Variants in PRRC2A observed in about 807,000 individuals in gnomAD.
PRRC2A encodes the protein proline rich coiled-coil 2A, also known as protein PRRC2A.
PRRC2A carries 59 observed loss-of-function variants against 224.6 expected under a neutral mutation model. That is an observed-to-expected ratio of 0.26 (90% CI 0.21 to 0.33). The LOEUF (loss-of-function observed/expected upper bound fraction) is 0.33, where lower values mean the gene tolerates loss of function less well. Among genes scored for constraint, PRRC2A ranks in the 10% least tolerant of loss-of-function variants. The pLI, the probability that PRRC2A is intolerant of heterozygous loss-of-function variation, is 1.00. For missense variants in PRRC2A, 3,095 were observed against 2,880.7 expected (o/e 1.07, Z -1.70); for synonymous variants, 1,194 against 1,109.5 (o/e 1.08, Z -1.51).
chr6:31,625,678 G>C lies in PRRC2A; in HGVS notation c.759+67G>C, dbSNP rs1775826688. The C allele has an allele frequency of 6.3e-7, 1 of 1,598,908 alleles. No homozygotes were observed. The highest frequency in any genetic ancestry group is 1.1e-5 in the South Asian group (1 of 90,676). ...CTGGAGAGCTAGGAATCAGGACTTA[G>C]TCTTTGACCTATGAGATAGAAGGGA... is the stretch of plus-strand genomic sequence containing the variant. On this transcript the variant is annotated intron_variant, in intron 7 of 30. Coordinates refer to ENST00000376033, the MANE Select transcript of PRRC2A (RefSeq NM_004638.4). This position sits in a 1 kb window ranked among gnomAD's most constrained non-coding sequence, Gnocchi z 4.1.
At position 31,631,749 on chromosome 6, in the gene PRRC2A, C is replaced by T. The variant is rs569496709; in HGVS notation, c.3076C>T (p.Arg1026Trp). The change falls in exon 16 of 31, where the codon CGG (arginine) becomes TGG (tryptophan). Residue 1026 changes from arginine to tryptophan, a missense_variant. By Grantham distance (101) the Arg-to-Trp change is moderately radical. Transcript: ENST00000376033. The surrounding 1 kb of genome is among the most constrained non-coding windows in gnomAD (Gnocchi z 4.5). Reference sequence around the variant, plus strand: ...AGTGGGTCCTACCTCTTGCCGGGGTCGGGGCCGAGGCGAGTATTTTGCCAG... The same window carrying T: ...AGTGGGTCCTACCTCTTGCCGGGGTTGGGGCCGAGGCGAGTATTTTGCCAG... ...ERVGPTSCRG[R>W]GRGEYFARGR... 1.1e-5 allele frequency: 17 copies of T among 1,534,736 alleles called. No individual in the cohort carries two copies. Among genetic ancestry groups the T allele is most frequent in the African/African-American group, 9.7e-5 (7 of 72,178 alleles).
chr6:31,621,860 CTGGTGA>C (rs1410400057), intron 1 of PRRC2A, among the ~76,000 whole-genome samples: 1 of 152,188 alleles, frequency 6.6e-6, no homozygotes, highest in African/African-American at 2.4e-5. Context: ...TAAAGAAACA[CTGGTGA>C]TGGACATTTT....
rs201074309 is a variant in PRRC2A, at chr6:31,632,862, C to T, written c.4189C>T (p.Arg1397Trp). The T allele has an allele frequency of 7.9e-4, 1,276 of 1,612,926 alleles. 1 individual carries two copies. Among genetic ancestry groups the T allele is most frequent in the Non-Finnish European group, 1.0e-3 (1,234 of 1,179,982 alleles). The stretch of plus-strand genomic sequence containing the variant: ...GCGGCCAGGCATGGAACGGCAGAAT[C>T]GGCGCCCTGGCCCAGGGGGCAAGGC... ...SQRPGMERQN[R>W]RPGPGGKAGS... is the part of the protein sequence containing the mutation. Residue 1397 changes from arginine to tryptophan, a missense_variant, in exon 16 of 31, where the codon CGG becomes TGG. By Grantham distance (101) the Arg-to-Trp change is moderately radical (BLOSUM62 -3). Coordinates refer to ENST00000376033, the MANE Select transcript of PRRC2A (RefSeq NM_004638.4).
Position 31,625,148 on chromosome 6 carries a change from G to T in PRRC2A, c.464-23G>T, listed in dbSNP as rs1239278490. 1.2e-6 allele frequency: 2 copies of T among 1,605,382 alleles called. No homozygotes were observed. Among genetic ancestry groups the T allele is most frequent in the Non-Finnish European group, 1.7e-6 (2 of 1,174,230 alleles). On this transcript the variant is annotated intron_variant, in intron 5 of 30. Transcript: ENST00000376033. This position sits in a 1 kb window ranked among gnomAD's most constrained non-coding sequence, Gnocchi z 4.1. ...CCTCAGGAAATGTCTTCTGTCTCCTGTTCTGCATCCCCATCCTAATAGGTG... is the reference window on the plus strand; with the variant it reads ...CCTCAGGAAATGTCTTCTGTCTCCTTTTCTGCATCCCCATCCTAATAGGTG...
chr6:31,631,171 C>T lies in PRRC2A; in HGVS notation c.2498C>T (p.Pro833Leu). Residue 833 changes from proline (P) to leucine (L), a missense_variant, in exon 16 of 31, where the codon CCC (proline) becomes CTC (leucine). Physicochemically the swap from Pro to Leu is moderately conservative, Grantham distance 98 (BLOSUM62 -3). Transcript: ENST00000376033. This position sits in a 1 kb window ranked among gnomAD's most constrained non-coding sequence, Gnocchi z 4.5. ...ACTCCTCCAGTACCTCCCCCACCACCCTATCTGGCCAGTTATCCAGGCTTT... is the reference window on the plus strand; with the variant it reads ...ACTCCTCCAGTACCTCCCCCACCACTCTATCTGGCCAGTTATCCAGGCTTT... ...SETPPVPPPP[P>L]YLASYPGFPE... 6.4e-7 allele frequency: 1 copy of T among 1,558,426 alleles called. No individual in the cohort carries two copies. Among genetic ancestry groups the T allele is most frequent in the South Asian group, 1.2e-5 (1 of 83,608 alleles).
At position 31,631,257 on chromosome 6, in the gene PRRC2A, C is replaced by T. The variant is rs557239322; in HGVS notation, c.2584C>T (p.Arg862Cys). 6 of 1,612,294 alleles carry T rather than the reference C, an allele frequency of 3.7e-6. No individual in the cohort carries two copies. The highest frequency in any genetic ancestry group is 3.3e-5 in the South Asian group (3 of 91,000). The change falls in exon 16 of 31, where the codon CGT becomes TGT. Residue 862 changes from arginine (R) to cysteine (C), a missense_variant. Around this residue, in one of 8 missense-constraint regions of PRRC2A, gnomAD observed 2,001 missense variants for 1,764.9 expected, o/e 1.13. Coordinates refer to ENST00000376033, the MANE Select transcript of PRRC2A (RefSeq NM_004638.4). The surrounding 1 kb of genome is among the most constrained non-coding windows in gnomAD (Gnocchi z 4.5). Reference protein sequence around the residue: ...SRFPLEEPGPRPLPWPPGSDE... With the variant: ...SRFPLEEPGPCPLPWPPGSDE... ...CTTTCCTCTGGAGGAACCAGGGCCC[C>T]GTCCACTCCCCTGGCCCCCAGGCAG...
rs1436666674 is a variant in PRRC2A at position 31,629,220 on chromosome 6, A to G, written c.1842A>G (p.Pro614=). ...CTCCTCCTACCACACCCCCAGTTCC[A>G]AAGGTGGAACCCAAGGGTGATGGGA... ...EVPPPTTPPV[P]KVEPKGDGIG... is the part of the protein sequence containing the mutation. Residue 614 remains proline (P), a synonymous_variant, in exon 13 of 31, where the codon CCA becomes CCG. Coordinates refer to ENST00000376033, the MANE Select transcript of PRRC2A (RefSeq NM_004638.4). 6.2e-7 allele frequency: 1 copy of G among 1,614,038 alleles called. No homozygotes were observed. Among genetic ancestry groups the G allele is most frequent in the African/African-American group, 1.3e-5 (1 of 74,904 alleles).
intron 12 of PRRC2A, chr6:31,628,906 A>C (rs1776219458): frequency 3.8e-6 from 2 of 529,286 alleles, no homozygotes; most frequent in South Asian, 5.2e-5. Context: ...ATAGGCCAAG[A>C]CTGAAGAAAG....
rs753708507 is a variant in PRRC2A, at chr6:31,633,877, C to T, written c.4607C>T (p.Pro1536Leu). Residue 1536 changes from proline to leucine, a missense_variant, in exon 18 of 31, where the codon CCG becomes CTG. This residue lies in a region of PRRC2A where 2,001 missense variants were observed against 1,764.9 expected (regional missense o/e 1.13). Transcript: ENST00000376033. ...TTCCCAGACCCCCACTTTGAGGAGC[C>T]GGGGCCAATGGTGAGAGGGGTGGGT... ...GLSSDPHFEE[P>L]GPMVRGVGGT... 1.9e-5 allele frequency: 19 copies of T among 1,001,200 alleles called. No homozygotes were observed. Among genetic ancestry groups the T allele is most frequent in the Non-Finnish European group, 2.4e-5 (17 of 707,740 alleles). 62.0% of individuals were successfully genotyped at this position (1,001,200 alleles called of 1,614,324 possible).
chr6:31,627,101 C>G lies in PRRC2A; in HGVS notation c.1193C>G (p.Pro398Arg). 6.2e-7 allele frequency: 1 copy of G among 1,614,118 alleles called. No homozygotes were observed. The highest frequency in any genetic ancestry group is 8.5e-7 in the Non-Finnish European group (1 of 1,180,012). The change falls in exon 11 of 31, where the codon CCT (proline) becomes CGT (arginine). Residue 398 changes from proline to arginine, a missense_variant. Physicochemically the swap from Pro to Arg is moderately radical, Grantham distance 103. Coordinates refer to ENST00000376033, the MANE Select transcript of PRRC2A (RefSeq NM_004638.4). The surrounding 1 kb of genome is among the most constrained non-coding windows in gnomAD (Gnocchi z 5.6). ...PKTAWAETSR[P>R]PETEPGPPAP... ...ACGGCCTGGGCAGAAACCTCTCGGC[C>G]TCCAGAGACAGAGCCGGGACCTCCT...
In PRRC2A at chr6:31,635,406, C is replaced by G. The variant is rs199525458; in HGVS notation, c.5314C>G (p.Arg1772Gly). 1.3e-5 allele frequency: 21 copies of G among 1,614,098 alleles called. No individual in the cohort carries two copies. Among genetic ancestry groups the G allele is most frequent in the East Asian group, 4.5e-5 (2 of 44,902 alleles). ...FGTSDKDSDL[R>G]LVVGDSLKAE... ...CTTGTGATCACAGGACTCAGACTTA[C>G]GCCTAGTGGTAGGAGACAGCTTGAA... is the stretch of plus-strand genomic sequence containing the variant. The change falls in exon 23 of 31, where the codon CGC becomes GGC. Residue 1772 changes from arginine (R) to glycine (G), a missense_variant. Physicochemically the swap from Arg to Gly is moderately radical, Grantham distance 125. Around this residue, in one of 8 missense-constraint regions of PRRC2A, gnomAD observed 662 missense variants for 609.5 expected, o/e 1.09. Transcript: ENST00000376033.
At chr6:31,628,519 A>G in intron 12 of PRRC2A, 1 of 512,834 alleles carries the variant, frequency 1.9e-6, no homozygotes, top group East Asian at 3.4e-5. Flanking sequence ...GCTTGAGCCT[A>G]GGGAGTTTGA....
chr6:31,636,127 A>G lies in PRRC2A; in HGVS notation c.5624+78A>G. 6 of 1,562,810 alleles carry G rather than the reference A, an allele frequency of 3.8e-6. No homozygotes were observed. Among genetic ancestry groups the G allele is most frequent in the Non-Finnish European group, 5.3e-6 (6 of 1,133,916 alleles). Reference sequence around the variant, plus strand: ...AGAGGGAAGGGGAAGACACAGTTCTAGGGTACTAGAAGCTAGTGGACTTAA... The same window carrying G: ...AGAGGGAAGGGGAAGACACAGTTCTGGGGTACTAGAAGCTAGTGGACTTAA... On this transcript the variant is annotated intron_variant, in intron 25 of 30. Coordinates refer to ENST00000376033, the MANE Select transcript of PRRC2A (RefSeq NM_004638.4). This position sits in a 1 kb window ranked among gnomAD's most constrained non-coding sequence, Gnocchi z 4.3.
Position 31,635,701 on chromosome 6 carries a change from C to T in PRRC2A, c.5493C>T (p.Arg1831=). Residue 1831 remains arginine, a synonymous_variant, in exon 24 of 31, where the codon CGC becomes CGT. Coordinates refer to ENST00000376033, the MANE Select transcript of PRRC2A (RefSeq NM_004638.4). ...CVPEPSSSGQ[R]LYPEVFYGSA... ...CGGAGCCCAGCTCCTCAGGCCAGCG[C>T]CTGTATCCTGAGGTTTTCTATGGCA... The T allele has an allele frequency of 1.2e-6, 2 of 1,610,992 alleles. No individual in the cohort carries two copies. Among genetic ancestry groups the T allele is most frequent in the Non-Finnish European group, 1.7e-6 (2 of 1,179,012 alleles).
rs754443109 is a variant in PRRC2A, at chr6:31,625,490, G to A, written c.638G>A (p.Arg213His). The A allele has an allele frequency of 3.4e-5, 54 of 1,588,598 alleles. 1 individual carries two copies. Among genetic ancestry groups the A allele is most frequent in the Middle Eastern group, 1.7e-4 (1 of 5,980 alleles). The change falls in exon 7 of 31, where the codon CGT becomes CAT. Residue 213 changes from arginine (R) to histidine (H), a missense_variant. By Grantham distance (29) the Arg-to-His change is conservative. Around this residue, in one of 8 missense-constraint regions of PRRC2A, gnomAD observed 287 missense variants for 275.3 expected, o/e 1.04. Coordinates refer to ENST00000376033, the MANE Select transcript of PRRC2A (RefSeq NM_004638.4). This position sits in a 1 kb window ranked among gnomAD's most constrained non-coding sequence, Gnocchi z 4.1. ...NSTTWRDGGG[R>H]GPDELEGPDS... is the part of the protein sequence containing the mutation. ...ACAACTTGGAGGGACGGAGGTGGGC[G>A]TGGCCCTGATGAGCTGGAGGGCCCG...
intron 14 of PRRC2A, 128 bp downstream of exon 14, chr6:31,629,973 C>G: frequency 7.0e-7 from 1 of 1,435,792 alleles, no homozygotes; most frequent in Non-Finnish European, 9.4e-7. Context: ...AGGGCATATG[C>G]TTGGCACTGC....
chr6:31,633,724 C>T, intron 17 of PRRC2A, 77 bp downstream of exon 17: 1 of 1,540,962 alleles, frequency 6.5e-7, no homozygotes, highest in Non-Finnish European at 8.7e-7. Context: ...GGGTGGAGAA[C>T]CTGGCCTAGG....
At position 31,635,115 on chromosome 6, in the gene PRRC2A, C is replaced by T; in HGVS notation, c.5161-17C>T. On this transcript the variant is annotated splice_polypyrimidine_tract_variant and intron_variant, in intron 21 of 30. Transcript: ENST00000376033. ...CCTTTCCCTCCCCCAATGCACTTTACTGTGTGCCCAATCCAGGAGCTGCCC... is the reference window on the plus strand; with the variant it reads ...CCTTTCCCTCCCCCAATGCACTTTATTGTGTGCCCAATCCAGGAGCTGCCC... 6.2e-7 allele frequency: 1 copy of T among 1,612,922 alleles called. No individual in the cohort carries two copies. The highest frequency in any genetic ancestry group is 8.5e-7 in the Non-Finnish European group (1 of 1,179,250).
At position 31,632,057 on chromosome 6, in the gene PRRC2A, G is replaced by A. The variant is rs1303339122; in HGVS notation, c.3384G>A (p.Lys1128=). The A allele has an allele frequency of 4.8e-5, 76 of 1,576,606 alleles. No individual in the cohort carries two copies. The highest frequency in any genetic ancestry group is 6.4e-5 in the Non-Finnish European group (74 of 1,159,076). Residue 1128 remains lysine (K), a synonymous_variant, in exon 16 of 31, where the codon AAG becomes AAA. Transcript: ENST00000376033. ...APSDKEAPTP[K]EGTLTQVPLA... ...CAGACAAGGAGGCTCCCACACCCAA[G>A]GAGGGAACACTCACCCAGGTCCCTC...
Sources: allele counts gnomAD v4.1 joint callset (sites outside exome capture counted in the v4.1 genomes callset), GRCh38; gene constraint gnomAD v4.1.1; regional missense constraint gnomAD v4.1.1; non-coding constraint Gnocchi (gnomAD v3.1); transcripts MANE v1.5; gene names NCBI Gene and HGNC (gene_info 2026-07-23, HGNC 2026-07-21).